Variants in GCN1 observed in about 807,000 individuals in gnomAD.
GCN1 encodes the protein GCN1 activator of EIF2AK4, also known as stalled ribosome sensor GCN1.
A neutral mutation model predicts 288.4 loss-of-function variants in GCN1; 90 were observed. The ratio of observed to expected loss-of-function variants is 0.31; its 90% CI spans 0.26 to 0.37. The LOEUF (loss-of-function observed/expected upper bound fraction) is 0.37. GCN1 is among the 10% of genes least tolerant of loss of function. The probability of loss-of-function intolerance (pLI) is 1.00; values close to 1 mark genes in which losing one functional copy is unlikely to be tolerated. For missense variants in GCN1, 2,586 were observed against 3,419.9 expected, an observed-to-expected ratio of 0.76 and a Z score of 6.08; for synonymous variants, 1,386 against 1,420.2, an observed-to-expected ratio of 0.98 and a Z score of 0.54.
At chr12:120,190,265 A>G in intron 2 of GCN1, 33 bp downstream of exon 2, 1 of 1,029,446 alleles carries the variant, frequency 9.7e-7, no homozygotes, top group Non-Finnish European at 1.5e-6. Context: ...AACAATGAAT[A>G]TTGTCCAGGG....
In GCN1 at chr12:120,142,945, A is replaced by T; in HGVS notation, c.5496-4T>A. On this transcript the variant is annotated splice_polypyrimidine_tract_variant and splice_region_variant and intron_variant, in intron 42 of 57. Transcript: ENST00000300648. The surrounding 1 kb of genome is among the most constrained non-coding windows in gnomAD (Gnocchi z 4.9). ...AAGGAGCTGAACAGAGCTGAACCTG[A>T]GAAGGAGGCCAACAACACAGTCACA... 6.4e-7 allele frequency: 1 copy of T among 1,568,016 alleles called. No homozygotes were observed. The highest frequency in any genetic ancestry group is 8.8e-7 in the Non-Finnish European group (1 of 1,138,074).
At position 120,158,156 on chromosome 12, in the gene GCN1, C is replaced by T. The variant is rs1265237814; in HGVS notation, c.2906-126G>A. On this transcript the variant is annotated intron_variant, in intron 25 of 57. Transcript: ENST00000300648. This position sits in a 1 kb window ranked among gnomAD's most constrained non-coding sequence, Gnocchi z 4.3. Reference sequence around the variant, plus strand: ...AGAGGCCCGTTCTGACACCTGGAAGCACATGGCACGAGGACAGAGACAGCA... The same window carrying T: ...AGAGGCCCGTTCTGACACCTGGAAGTACATGGCACGAGGACAGAGACAGCA... 1 of 877,034 alleles carries T rather than the reference C, an allele frequency of 1.1e-6. No individual in the cohort carries two copies. The highest frequency in any genetic ancestry group is 2.6e-5 in the Admixed American group (1 of 37,870). 54.3% of individuals were successfully genotyped at this position (877,034 alleles called of 1,614,324 possible).
rs761702392 is a variant in GCN1 at position 120,173,764 on chromosome 12, T to C, written c.1255A>G (p.Met419Val). ...VLALWCNRFT[M>V]EVPKKLTEWF... Reference sequence around the variant, plus strand: ...TCAGTGAGCTTCTTGGGCACTTCCATAGTGAATCGGTTACACCAGAGAGCC... The same window carrying C: ...TCAGTGAGCTTCTTGGGCACTTCCACAGTGAATCGGTTACACCAGAGAGCC... Residue 419 changes from methionine to valine, a missense_variant, in exon 14 of 58, where the codon ATG becomes GTG. Met to Val is a conservative substitution (Grantham distance 21, BLOSUM62 1). Transcript: ENST00000300648. The C allele has an allele frequency of 9.9e-6, 16 of 1,613,540 alleles. No homozygotes were observed. The highest frequency in any genetic ancestry group is 1.6e-4 in the Middle Eastern group (1 of 6,062).
At chr12:120,181,576 ATG>A (rs1878663127) in intron 5 of GCN1, among the ~76,000 whole-genome samples, 2 of 151,428 alleles carry the variant, frequency 1.3e-5, no homozygotes, top group Non-Finnish European at 2.9e-5. Flanking sequence ...GCAGTGGCTC[ATG>A]CCTGTAATCC....
chr12:120,132,554 G>A (rs1335110307), intron 53 of GCN1, among the ~76,000 whole-genome samples: 1 of 152,100 alleles, frequency 6.6e-6, no homozygotes, highest in African/African-American at 2.4e-5. Context: ...CACTGCCACC[G>A]AAATTACTTG....
chr12:120,165,827 T>C (rs1252270272), intron 16 of GCN1, among the ~76,000 whole-genome samples: 1 of 151,898 alleles, frequency 6.6e-6, no homozygotes, highest in Non-Finnish European at 1.5e-5. Context: ...AGTCTTGCTC[T>C]GTCACCCAGG....
At chr12:120,130,919 TAC>T (rs942070029) in intron 55 of GCN1, among the ~76,000 whole-genome samples, 166 bp from the exon 56 acceptor site, 1 of 151,940 alleles carries the variant, frequency 6.6e-6, no homozygotes, top group Non-Finnish European at 1.5e-5. Flanking sequence ...GGCAGATGAG[TAC>T]AGTCACTGGT....
rs533586250 is a variant in GCN1, at chr12:120,165,002, T to TATACACAC, written c.1613-282_1613-281insGTGTGTAT. Among the ~76,000 whole-genome samples, 24 of 136,896 alleles carry TATACACAC rather than the reference T, an allele frequency of 1.8e-4. No homozygotes were observed. The East Asian group carries it at 2.4e-3, about 14-fold the overall frequency. 89.8% of individuals were successfully genotyped at this position (136,896 alleles called of 152,430 possible). On this transcript the variant is annotated intron_variant, in intron 16 of 57. Coordinates refer to ENST00000300648, the MANE Select transcript of GCN1 (RefSeq NM_006836.2). ...ATACATATACATATATACACATATATACACACACACACACACACACACACA... is the reference window on the plus strand; with the variant it reads ...ATACATATACATATATACACATATATATACACACACACACACACACACACACACACACA...
intron 24 of GCN1, among the ~76,000 whole-genome samples, chr12:120,159,011 C>CA (rs56356587): frequency 0.028 from 3,182 of 113,890 alleles, 50 homozygotes; most frequent in African/African-American, 0.044. Context: ...GACTCCGTCT[C>CA]AAAAAAAAAA....
rs369499205 is a variant in GCN1 at position 120,164,012 on chromosome 12, A to G, written c.1848+324T>C. The stretch of plus-strand genomic sequence containing the variant: ...GCCACTGCAGGTGGTGTGCACCTAT[A>G]GTCCCAGCAACTTGGGAGGCTGAGG... On this transcript the variant is annotated intron_variant, in intron 18 of 57. Coordinates refer to ENST00000300648, the MANE Select transcript of GCN1 (RefSeq NM_006836.2). Among the ~76,000 whole-genome samples the G allele has an allele frequency of 2.3e-4, 35 of 152,328 alleles. No individual in the cohort carries two copies. In the East Asian group the frequency reaches 3.9e-3, roughly 17 times the overall value.
chr12:120,193,184 C>A (rs900667396), intron 1 of GCN1, among the ~76,000 whole-genome samples: 2 of 152,260 alleles, frequency 1.3e-5, no homozygotes, highest in African/African-American at 2.4e-5. Context: ...GAAACCCCAT[C>A]TCTACTAAAA....
intron 46 of GCN1, 119 bp downstream of exon 46, chr12:120,138,576 C>T: frequency 1.8e-6 from 2 of 1,110,450 alleles, no homozygotes; most frequent in South Asian, 2.7e-5. Flanking sequence ...CTTGCTATAC[C>T]CACTCCCTCT....
In GCN1 at chr12:120,159,961, G is replaced by A. The variant is rs139129735; in HGVS notation, c.2613C>T (p.Ser871=). Reference sequence around the variant, plus strand: ...AAACAGGGATGTACTGGGTCAGGCCGGACGGGTTCTTGGCCAGGATGATGT... The same window carrying A: ...AAACAGGGATGTACTGGGTCAGGCCAGACGGGTTCTTGGCCAGGATGATGT... ...LLDIILAKNP[S]GLTQYIPVLV... Residue 871 remains serine, a synonymous_variant, in exon 24 of 58, where the codon TCC becomes TCT. Coordinates refer to ENST00000300648, the MANE Select transcript of GCN1 (RefSeq NM_006836.2). 1,267 of 1,614,122 alleles carry A rather than the reference G, an allele frequency of 7.8e-4. 1 individual carries two copies. Among genetic ancestry groups the A allele is most frequent in the Admixed American group, 1.9e-3 (114 of 60,026 alleles).
intron 53 of GCN1, among the ~76,000 whole-genome samples, chr12:120,133,590 G>A (rs796257847): frequency 1.3e-5 from 2 of 152,218 alleles, no homozygotes; most frequent in African/African-American, 4.8e-5. Flanking sequence ...CTGTGACCAC[G>A]AGGTCTATGC....
At chr12:120,138,877 T>C (rs1877097756) in intron 45 of GCN1, 21 bp from the exon 46 acceptor site, 1 of 1,584,818 alleles carries the variant, frequency 6.3e-7, no homozygotes. Context: ...AAGCTACAAC[T>C]GTACCAGATG....
chr12:120,163,877 C>T (rs1257395514), intron 18 of GCN1, among the ~76,000 whole-genome samples: 1 of 152,206 alleles, frequency 6.6e-6, no homozygotes, highest in East Asian at 1.9e-4. Context: ...AATCCCAACA[C>T]TTTGGGAAGC....
chr12:120,181,856 A>T (rs1878675645), intron 5 of GCN1, among the ~76,000 whole-genome samples: 1 of 146,154 alleles, frequency 6.8e-6, no homozygotes, highest in South Asian at 2.2e-4. Context: ...AAAAAAAAAA[A>T]AAAAAGTAGG....
In GCN1 at chr12:120,163,115, G is replaced by C; in HGVS notation, c.1993C>G (p.Gln665Glu). 6.2e-7 allele frequency: 1 copy of C among 1,614,242 alleles called. No individual in the cohort carries two copies. The highest frequency in any genetic ancestry group is 8.5e-7 in the Non-Finnish European group (1 of 1,180,050). ...GLKGDVTDTE[Q>E]LAQEMLIISH... ...ATGATCAGCATTTCCTGGGCCAGTTGTTCAGTGTCGGTGACATCACCCTTG... is the reference window on the plus strand; with the variant it reads ...ATGATCAGCATTTCCTGGGCCAGTTCTTCAGTGTCGGTGACATCACCCTTG... Residue 665 changes from glutamine to glutamate, a missense_variant, in exon 19 of 58, where the codon CAA (glutamine) becomes GAA (glutamate). By Grantham distance (29) the Gln-to-Glu change is conservative. Around this residue, in one of 8 missense-constraint regions of GCN1, gnomAD observed 913 missense variants for 1,107.0 expected, o/e 0.82. Transcript: ENST00000300648.
intron 36 of GCN1, 109 bp downstream of exon 36, chr12:120,149,497 C>T (rs942335274): frequency 2.6e-6 from 2 of 758,658 alleles, no homozygotes; most frequent in East Asian, 2.5e-5. Flanking sequence ...TTAACCCTAT[C>T]CCTGGTCTGG....
Sources: gnomAD v4.1 joint callset for allele counts (sites outside exome capture counted in the v4.1 genomes callset) on GRCh38, gnomAD v4.1.1 for gene constraint, gnomAD v4.1.1 regional missense constraint, Gnocchi (gnomAD v3.1) non-coding constraint, MANE v1.5 for transcripts, NCBI Gene and HGNC (gene_info 2026-07-23, HGNC 2026-07-21) for gene names.